EPHA6: variants seen among roughly 807,000 people sequenced by gnomAD.
EPHA6 encodes ephrin type-A receptor 6.
In EPHA6, 50 loss-of-function variants were observed where a neutral mutation model predicts 112.0. The observed-to-expected ratio is 0.45, with a 90% CI of 0.36 to 0.56. EPHA6 has a LOEUF of 0.56. Among genes scored for constraint, EPHA6 ranks in the 20% least tolerant of loss-of-function variants. The probability of loss-of-function intolerance (pLI) is 0.00; values close to 1 mark genes in which losing one functional copy is unlikely to be tolerated. For missense variants in EPHA6, 1,280 were observed against 1,417.4 expected (o/e 0.90, Z 1.56); for synonymous variants, 529 against 490.7 (o/e 1.08, Z -1.03).
intron 14 of EPHA6, among the ~76,000 whole-genome samples, chr3:97,683,762 C>A (rs556667516): frequency 1.3e-5 from 2 of 152,126 alleles, no homozygotes; most frequent in African/African-American, 4.8e-5. Context: ...CTTCTGTATT[C>A]GGTTTAGCTC....
At chr3:97,376,494 T>C (rs2085366801) in intron 5 of EPHA6, among the ~76,000 whole-genome samples, 1 of 152,214 alleles carries the variant, frequency 6.6e-6, no homozygotes, top group Non-Finnish European at 1.5e-5. Context: ...TAACAGTATG[T>C]TATCAGAATC....
intron 14 of EPHA6, among the ~76,000 whole-genome samples, chr3:97,713,734 C>T (rs1486479283): frequency 1.3e-5 from 2 of 152,144 alleles, no homozygotes; most frequent in African/African-American, 4.8e-5. Context: ...TGTGCCATGA[C>T]CTCAGAAAGA....
At chr3:96,991,025 T>G (rs1478151076) in intron 3 of EPHA6, among the ~76,000 whole-genome samples, 1 of 152,144 alleles carries the variant, frequency 6.6e-6, no homozygotes, top group East Asian at 1.9e-4. Flanking sequence ...GGTCTTATTC[T>G]GTCACCCAGG....
intron 3 of EPHA6, among the ~76,000 whole-genome samples, chr3:97,187,912 C>A (rs2077199618): frequency 6.6e-6 from 1 of 151,872 alleles, no homozygotes; most frequent in African/African-American, 2.4e-5. Context: ...TACACTCTCC[C>A]AAAATATAAG....
intron 3 of EPHA6, among the ~76,000 whole-genome samples, chr3:97,107,739 G>A (rs2047610276): frequency 6.6e-6 from 1 of 152,092 alleles, no homozygotes; most frequent in Non-Finnish European, 1.5e-5. Flanking sequence ...TGATTCTGAT[G>A]TATTAGGGAG....
intron 2 of EPHA6, among the ~76,000 whole-genome samples, chr3:96,882,045 A>G (rs1285871536): frequency 6.6e-6 from 1 of 152,070 alleles, no homozygotes; most frequent in African/African-American, 2.4e-5. Flanking sequence ...GAGTGTCTAC[A>G]GCTTTTCCAG....
intron 3 of EPHA6, among the ~76,000 whole-genome samples, chr3:97,142,202 A>T (rs2075925376): frequency 1.3e-5 from 2 of 152,048 alleles, no homozygotes; most frequent in Non-Finnish European, 2.9e-5. Context: ...TTTCCAAAAT[A>T]GACAATTCTG....
rs562731073 is a variant in EPHA6 at position 97,378,381 on chromosome 3, C to T, written c.1607-26769C>T. ...TGCAGGGGAGGGCTCTCATGGAGAA[C>T]CTCTACTAGGGCAGTGCGAAAGGGA... On this transcript the variant is annotated intron_variant, in intron 5 of 17. Coordinates refer to ENST00000389672, the MANE Select transcript of EPHA6 (RefSeq NM_001080448.3). Among the ~76,000 whole-genome samples, 3 of 152,272 alleles carry T rather than the reference C, an allele frequency of 2.0e-5. No homozygotes were observed. The South Asian group carries it at 6.2e-4, about 32-fold the overall frequency.
intron 14 of EPHA6, among the ~76,000 whole-genome samples, chr3:97,678,614 T>C (rs965601683): frequency 7.9e-5 from 12 of 152,200 alleles, no homozygotes; most frequent in African/African-American, 2.9e-4. Flanking sequence ...ATTATAACTT[T>C]ATTAGCCTCT....
intron 11 of EPHA6, among the ~76,000 whole-genome samples, chr3:97,549,828 A>G (rs1191248579): frequency 6.6e-6 from 1 of 151,816 alleles, no homozygotes; most frequent in Non-Finnish European, 1.5e-5. Flanking sequence ...ATAAAATAAA[A>G]TAAAATAAAA....
At chr3:97,527,585 G>T (rs1272053687) in intron 10 of EPHA6, among the ~76,000 whole-genome samples, 3 of 152,078 alleles carry the variant, frequency 2.0e-5, no homozygotes, top group Non-Finnish European at 4.4e-5. Context: ...CCCTATATTG[G>T]ACAGATGAGA....
intron 13 of EPHA6, among the ~76,000 whole-genome samples, chr3:97,616,747 G>T (rs768079921): frequency 2.6e-5 from 4 of 152,002 alleles, no homozygotes; most frequent in Non-Finnish European, 2.9e-5. Context: ...AAATGAAAAT[G>T]AATAAACAAA....
chr3:96,854,952 G>A (rs2035608444), intron 1 of EPHA6, among the ~76,000 whole-genome samples: 1 of 152,132 alleles, frequency 6.6e-6, no homozygotes, highest in Non-Finnish European at 1.5e-5. Flanking sequence ...GTAGGCTAGA[G>A]GTCTGACATG....
At chr3:97,472,587 C>T (rs6802063) in intron 7 of EPHA6, among the ~76,000 whole-genome samples, 28,620 of 151,498 alleles carry the variant, frequency 0.19, 4,051 homozygotes, top group African/African-American at 0.38. Context: ...TGGACCAACA[C>T]TAATATGATA....
intron 5 of EPHA6, among the ~76,000 whole-genome samples, chr3:97,334,014 G>C (rs2082932687): frequency 6.6e-6 from 1 of 152,054 alleles, no homozygotes; most frequent in Non-Finnish European, 1.5e-5. Context: ...TATCATAAGT[G>C]AGTGTTGGAA....
chr3:97,010,860 A>G (rs1312264861), intron 3 of EPHA6, among the ~76,000 whole-genome samples: 2 of 152,190 alleles, frequency 1.3e-5, no homozygotes, highest in Non-Finnish European at 2.9e-5. Context: ...TATACATTCA[A>G]AAGCTTTCAA....
At chr3:97,716,057 G>A (rs1461155084) in intron 14 of EPHA6, among the ~76,000 whole-genome samples, 6 of 152,036 alleles carry the variant, frequency 3.9e-5, no homozygotes, top group Non-Finnish European at 8.8e-5. Context: ...ATAAACATAT[G>A]GTAAAGCAAC....
chr3:96,853,111 T>G (rs998242907), intron 1 of EPHA6, among the ~76,000 whole-genome samples: 5 of 152,102 alleles, frequency 3.3e-5, no homozygotes, highest in Non-Finnish European at 7.4e-5. Flanking sequence ...CCTCCATATA[T>G]TCACAGTTTG....
chr3:97,538,587 T>A (rs781479691), intron 11 of EPHA6, among the ~76,000 whole-genome samples: 7 of 151,960 alleles, frequency 4.6e-5, no homozygotes, highest in African/African-American at 1.7e-4. Flanking sequence ...ACCCAGAAGA[T>A]TGAGGAGAAC....
Sources: gnomAD v4.1 joint callset for allele counts (sites outside exome capture counted in the v4.1 genomes callset) on GRCh38, gnomAD v4.1.1 for gene constraint, MANE v1.5 for transcripts, NCBI Gene and HGNC (gene_info 2026-07-23, HGNC 2026-07-21) for gene names.